Variants in GPAT4 observed in about 807,000 individuals in gnomAD.
GPAT4 encodes the protein glycerol-3-phosphate acyltransferase 4.
GPAT4 carries 17 observed loss-of-function variants against 58.0 expected under a neutral mutation model. The observed-to-expected ratio is 0.29, with a 90% confidence interval of 0.20 to 0.44. The LOEUF is 0.44. Among genes scored for constraint, GPAT4 ranks in the 20% least tolerant of loss-of-function variants. GPAT4 has a pLI of 1.00. For missense variants in GPAT4, 377 were observed against 574.5 expected, an observed-to-expected ratio of 0.66 and a Z score of 3.51; for synonymous variants, 204 against 210.1, an observed-to-expected ratio of 0.97 and a Z score of 0.25.
intron 2 of GPAT4, among the ~76,000 whole-genome samples, chr8:41,601,449 C>T (rs917719429): frequency 1.3e-5 from 2 of 152,180 alleles, no homozygotes; most frequent in African/African-American, 4.8e-5. Context: ...GTATAACTTA[C>T]ACCTGGGCCC....
Position 41,609,497 on chromosome 8 carries a change from G to T in GPAT4, c.235+12G>T. 1.2e-6 allele frequency: 2 copies of T among 1,613,970 alleles called. No homozygotes were observed. The highest frequency in any genetic ancestry group is 8.5e-7 in the Non-Finnish European group (1 of 1,179,824). ...GCCCTACACCAACGGTAAGATGGGGGTGTGATCCTTGTCCTGAGAGGTCCA... is the reference window on the plus strand; with the variant it reads ...GCCCTACACCAACGGTAAGATGGGGTTGTGATCCTTGTCCTGAGAGGTCCA... On this transcript the variant is annotated intron_variant, in intron 3 of 12. Transcript: ENST00000396987.
At chr8:41,612,798 C>A (rs371678587) in intron 7 of GPAT4, 47 bp from the exon 8 acceptor site, 267 of 1,509,176 alleles carry the variant, frequency 1.8e-4, no homozygotes, top group Non-Finnish European at 2.3e-4. Context: ...TGGGGAGATT[C>A]GTGTGAAGAT....
At chr8:41,605,915 G>A (rs953647771) in intron 2 of GPAT4, among the ~76,000 whole-genome samples, 1 of 152,142 alleles carries the variant, frequency 6.6e-6, no homozygotes, top group African/African-American at 2.4e-5. Context: ...CTGGACTCTG[G>A]CAGCATGTGG....
intron 1 of GPAT4, among the ~76,000 whole-genome samples, chr8:41,582,470 CACACACAT>C (rs1363434609): frequency 5.4e-5 from 8 of 147,190 alleles, no homozygotes; most frequent in East Asian, 2.0e-4. Context: ...CACACACACA[CACACACAT>C]CTTTCTTTCT....
intron 1 of GPAT4, among the ~76,000 whole-genome samples, chr8:41,582,782 GTATT>G (rs1802558525): frequency 6.6e-6 from 1 of 151,898 alleles, no homozygotes; most frequent in African/African-American, 2.4e-5. Context: ...GTAATTTTAC[GTATT>G]TATAGTGTAC....
chr8:41,592,296 C>T (rs901535198), intron 1 of GPAT4, among the ~76,000 whole-genome samples: 6 of 152,110 alleles, frequency 3.9e-5, no homozygotes, highest in African/African-American at 1.4e-4. Flanking sequence ...TGTCCAGTCC[C>T]GGTGGGACTC....
intron 9 of GPAT4, 150 bp from the exon 10 acceptor site, chr8:41,614,813 G>A: frequency 1.5e-6 from 1 of 674,856 alleles, no homozygotes; most frequent in Non-Finnish European, 2.5e-6. Flanking sequence ...TCTGTTAAGT[G>A]TTTGTTTTTA....
chr8:41,580,804 G>A (rs901844675), intron 1 of GPAT4, among the ~76,000 whole-genome samples: 1 of 152,170 alleles, frequency 6.6e-6, no homozygotes, highest in African/African-American at 2.4e-5. Flanking sequence ...TAAAGATAGA[G>A]GAGGGAGGAG....
chr8:41,581,751 C>T (rs1802515445), intron 1 of GPAT4, among the ~76,000 whole-genome samples: 1 of 150,898 alleles, frequency 6.6e-6, no homozygotes, highest in Admixed American at 6.6e-5. Context: ...GCCTTAGCCT[C>T]CTCAGTAGCT....
chr8:41,610,512 G>C (rs554479461), intron 4 of GPAT4: 1 of 1,400,450 alleles, frequency 7.1e-7, no homozygotes, highest in African/African-American at 1.5e-5. Flanking sequence ...CTCAGGAGAT[G>C]CAGGCAGCTG....
chr8:41,620,080 C>T (rs558510195), intron 12 of GPAT4, among the ~76,000 whole-genome samples: 1 of 152,318 alleles, frequency 6.6e-6, no homozygotes, highest in Admixed American at 6.5e-5. Flanking sequence ...AACTTCTGCC[C>T]CATGTTCCCA....
intron 1 of GPAT4, among the ~76,000 whole-genome samples, chr8:41,585,919 A>G (rs1563267741): frequency 6.6e-6 from 1 of 152,264 alleles, no homozygotes; most frequent in Admixed American, 6.5e-5. Flanking sequence ...CTCCCTATGC[A>G]GCCTATTCTT....
chr8:41,604,447 G>C (rs1803200267), intron 2 of GPAT4, among the ~76,000 whole-genome samples: 1 of 152,216 alleles, frequency 6.6e-6, no homozygotes, highest in African/African-American at 2.4e-5. Context: ...AGTCACAGAA[G>C]ATCTTTGTGT....
At chr8:41,579,188 G>A (rs1415135243) in intron 1 of GPAT4, among the ~76,000 whole-genome samples, 1 of 152,178 alleles carries the variant, frequency 6.6e-6, no homozygotes, top group African/African-American at 2.4e-5. Flanking sequence ...CTTTGAAAGA[G>A]ATGTGCTTTT....
In GPAT4 at chr8:41,598,753, G is replaced by A. The variant is rs2977845; in HGVS notation, c.-387G>A. On this transcript the variant is annotated 5_prime_UTR_variant, in exon 2 of 13. An upstream start codon of the reference 5' UTR is lost. Coordinates refer to ENST00000396987, the MANE Select transcript of GPAT4 (RefSeq NM_178819.4). Reference sequence around the variant, plus strand: ...TGCAGGACAGATTTATCTGTTGAATGCTCTTGGGCAGGAAAACCATGTAAA... The same window carrying A: ...TGCAGGACAGATTTATCTGTTGAATACTCTTGGGCAGGAAAACCATGTAAA... 0.032 allele frequency: 5,736 copies of A among 177,892 alleles called. 138 individuals carry two copies. The highest frequency in any genetic ancestry group is 0.045 in the Non-Finnish European group (3,876 of 86,272). The allele number at this position is 177,892 out of a possible 1,614,324, so 11.0% of individuals were successfully genotyped here. A position where few individuals can be genotyped will look rare whatever the true frequency, so the allele number is the denominator to read the frequency against.
At chr8:41,581,944 A>C (rs1253709328) in intron 1 of GPAT4, among the ~76,000 whole-genome samples, 3 of 137,042 alleles carry the variant, frequency 2.2e-5, no homozygotes, top group African/African-American at 8.1e-5. Flanking sequence ...ACTTGTTTGA[A>C]TTAAAAAAAA....
At chr8:41,594,665 C>T (rs1001964459) in intron 1 of GPAT4, among the ~76,000 whole-genome samples, 1 of 151,750 alleles carries the variant, frequency 6.6e-6, no homozygotes, top group African/African-American at 2.4e-5. Context: ...CCTGCCTCAG[C>T]CTCCCAAGTA....
At chr8:41,608,766 TG>T (rs1407565527) in intron 2 of GPAT4, among the ~76,000 whole-genome samples, 1 of 152,166 alleles carries the variant, frequency 6.6e-6, no homozygotes, top group Non-Finnish European at 1.5e-5. Flanking sequence ...AGACTTGGAA[TG>T]GGTTGCTTAA....
chr8:41,589,644 A>G (rs1802739841), intron 1 of GPAT4, among the ~76,000 whole-genome samples: 1 of 152,206 alleles, frequency 6.6e-6, no homozygotes, highest in African/African-American at 2.4e-5. Context: ...CAACCCCTGA[A>G]CTAGGTGAAG....
Sources: allele counts gnomAD v4.1 joint callset (sites outside exome capture counted in the v4.1 genomes callset), GRCh38; gene constraint gnomAD v4.1.1; transcripts MANE v1.5; gene names NCBI Gene and HGNC (gene_info 2026-07-23, HGNC 2026-07-21).